Variants in CPT1C observed in about 807,000 individuals in gnomAD.
CPT1C encodes carnitine palmitoyltransferase 1C.
Under a neutral mutation model 97.3 loss-of-function variants are expected in CPT1C, and 61 were observed. The observed-to-expected ratio is 0.63, with a 90% CI of 0.51 to 0.78. CPT1C has a LOEUF of 0.78. Among genes scored for constraint, CPT1C ranks in the 30% least tolerant of loss-of-function variants. The probability of loss-of-function intolerance (pLI) is 0.00; values close to 1 mark genes in which losing one functional copy is unlikely to be tolerated. For missense variants in CPT1C, 975 were observed against 1,065.5 expected (o/e 0.92, Z 1.18); for synonymous variants, 469 against 447.2 (o/e 1.05, Z -0.61).
chr19:49,709,729 T>A (rs537363258), intron 14 of CPT1C, among the ~76,000 whole-genome samples: 2 of 152,162 alleles, frequency 1.3e-5, no homozygotes, highest in African/African-American at 4.8e-5. Context: ...TAAATTTTTT[T>A]ATTTTTAATA....
chr19:49,705,815 C>A, intron 10 of CPT1C, 94 bp from the exon 11 acceptor site: 4 of 1,178,306 alleles, frequency 3.4e-6, no homozygotes, highest in Non-Finnish European at 4.8e-6. Flanking sequence ...GTACTTTGAA[C>A]AACTGACGAC....
At chr19:49,707,086 C>T (rs1249077955) in intron 12 of CPT1C, among the ~76,000 whole-genome samples, 1 of 151,946 alleles carries the variant, frequency 6.6e-6, no homozygotes, top group Non-Finnish European at 1.5e-5. Context: ...ACCAGCCTGG[C>T]CAATATGGTG....
At position 49,705,294 on chromosome 19, in the gene CPT1C, A is replaced by G. The variant is rs762221725; in HGVS notation, c.960A>G (p.Gln320=). 1 of 1,595,960 alleles carries G rather than the reference A, an allele frequency of 6.3e-7. No homozygotes were observed. Residue 320 remains glutamine, a synonymous_variant, in exon 10 of 20, where the codon CAA becomes CAG. Transcript: ENST00000598293. ...ACACCACGCGGATTCCAGGGGTCCAAAAAGGTGAGACCCTCTCCTGTCCCC... is the reference window on the plus strand; with the variant it reads ...ACACCACGCGGATTCCAGGGGTCCAGAAAGGTGAGACCCTCTCCTGTCCCC... ...IFNTTRIPGV[Q]KDYIRHLHDS...
intron 13 of CPT1C, among the ~76,000 whole-genome samples, chr19:49,708,298 A>C (rs1289875031): frequency 6.6e-6 from 1 of 151,942 alleles, no homozygotes; most frequent in East Asian, 1.9e-4. Context: ...TAGCCTGGGC[A>C]ACATAATGAG....
chr19:49,696,032 A>G (rs1000973362), intron 3 of CPT1C, among the ~76,000 whole-genome samples: 2 of 151,514 alleles, frequency 1.3e-5, no homozygotes, highest in Non-Finnish European at 2.9e-5. Context: ...TCCCACCACC[A>G]CGCCTGGCTA....
At position 49,712,866 on chromosome 19, in the gene CPT1C, G is replaced by A. The variant is rs1256648947; in HGVS notation, c.2133+17G>A. 3 of 1,489,232 alleles carry A rather than the reference G, an allele frequency of 2.0e-6. No individual in the cohort carries two copies. The highest frequency in any genetic ancestry group is 2.9e-5 in the African/African-American group (2 of 68,940). The allele number at this position is 1,489,232 out of a possible 1,614,324, so 92.3% of individuals were successfully genotyped here. ...TTCGGGCCTGTGAGTGGAGCTGGGC[G>A]CGCTGGCCCCCAGAGGAAAGAGGGG... is the stretch of plus-strand genomic sequence containing the variant. On this transcript the variant is annotated intron_variant, in intron 18 of 19. Coordinates refer to ENST00000598293, the MANE Select transcript of CPT1C (RefSeq NM_001199753.2).
At position 49,692,526 on chromosome 19, in the gene CPT1C, G is replaced by A. The variant is rs1420912365; in HGVS notation, c.141+133G>A. The A allele has an allele frequency of 2.6e-6, 3 of 1,155,462 alleles. No individual in the cohort carries two copies. In the Admixed American group the frequency reaches 7.2e-5, roughly 28 times the overall value. 71.6% of individuals were successfully genotyped at this position (1,155,462 alleles called of 1,614,324 possible). ...CACCCCTTTTTCTTAGAATTTTGAT[G>A]TCTGCTCCCAGGACCCCTTTAGCAA... On this transcript the variant is annotated intron_variant, in intron 3 of 19. Transcript: ENST00000598293.
rs1485797798 is a variant in CPT1C at position 49,700,908 on chromosome 19, T to TCCCCTCTCTCTGGGTCTCTGTC, written c.453+78_453+99dup. 5.4e-5 allele frequency: 84 copies of TCCCCTCTCTCTGGGTCTCTGTC among 1,569,870 alleles called. No individual in the cohort carries two copies. In the African/African-American group the frequency reaches 5.7e-4, roughly 11 times the overall value. On this transcript the variant is annotated intron_variant, in intron 5 of 19. Coordinates refer to ENST00000598293, the MANE Select transcript of CPT1C (RefSeq NM_001199753.2). ...GCTCTCCTGGGACCCGCTTATCTATTCCCCTCTCTCTGGGTCTCTGTCCCC... is the reference window on the plus strand; with the variant it reads ...GCTCTCCTGGGACCCGCTTATCTATTCCCCTCTCTCTGGGTCTCTGTCCCCCTCTCTCTGGGTCTCTGTCCCC...
intron 17 of CPT1C, chr19:49,712,310 C>T (rs192492448): frequency 5.4e-5 from 17 of 315,794 alleles, no homozygotes; most frequent in Non-Finnish European, 8.7e-5. Context: ...CACCACTGCA[C>T]TCCAGCCTGG....
rs2084069052 is a variant in CPT1C at position 49,713,666 on chromosome 19, GAC to G, written c.*65_*66del. 7.9e-6 allele frequency: 12 copies of G among 1,515,732 alleles called. No homozygotes were observed. The highest frequency in any genetic ancestry group is 1.8e-4 in the Middle Eastern group (1 of 5,688). 93.9% of individuals were successfully genotyped at this position (1,515,732 alleles called of 1,614,324 possible). A position where few individuals can be genotyped will look rare whatever the true frequency, so the allele number is the denominator to read the frequency against. ...AAGGGTGAAATTGCCACAGCTGGCT[GAC>G]ACAGGACAGGGGCAACTGGTTTGGC... is the stretch of plus-strand genomic sequence containing the variant. On this transcript the variant is annotated 3_prime_UTR_variant, in exon 20 of 20. Transcript: ENST00000598293.
intron 16 of CPT1C, 33 bp downstream of exon 16, chr19:49,710,890 T>A (rs745641563): frequency 6.3e-7 from 1 of 1,588,478 alleles, no homozygotes; most frequent in Non-Finnish European, 8.6e-7. Flanking sequence ...GCTTCAGTTA[T>A]TTCTGTGTAC....
intron 12 of CPT1C, among the ~76,000 whole-genome samples, chr19:49,707,302 C>A (rs55917387): frequency 6.6e-6 from 1 of 151,836 alleles, no homozygotes; most frequent in Non-Finnish European, 1.5e-5. Flanking sequence ...AACAAACAAA[C>A]AAAAAAACAA....
At chr19:49,711,653 C>G in intron 16 of CPT1C, 156 bp from the exon 17 acceptor site, 1 of 774,640 alleles carries the variant, frequency 1.3e-6, no homozygotes, top group Non-Finnish European at 2.0e-6. Context: ...AAATGATTTC[C>G]CCTCTCTAAG....
chr19:49,700,806 G>A lies in CPT1C; in HGVS notation c.404G>A (p.Trp135Ter). 6.2e-7 allele frequency: 1 copy of A among 1,613,438 alleles called. No individual in the cohort carries two copies. Among genetic ancestry groups the A allele is most frequent in the Non-Finnish European group, 8.5e-7 (1 of 1,180,032 alleles). ...ALRLLLSYHGWLLEPHGAMSS... is the reference protein window; with the variant it reads ...ALRLLLSYHG The stretch of plus-strand genomic sequence containing the variant: ...AGGCTGCTTCTGTCCTACCACGGCT[G>A]GCTTCTTGAGCCCCACGGAGCCATG... The change falls in exon 5 of 20, where the codon TGG becomes TAG. Residue 135 changes from tryptophan to a stop codon, truncating the protein, a stop_gained. Transcript: ENST00000598293. LOFTEE classifies it high-confidence loss of function.
Position 49,704,994 on chromosome 19 carries a change from T to G in CPT1C, c.772-13T>G. 1 of 1,580,820 alleles carries G rather than the reference T, an allele frequency of 6.3e-7. No homozygotes were observed. The highest frequency in any genetic ancestry group is 1.1e-5 in the South Asian group (1 of 87,340). ...ACCCTGGGTGTTTTGCCATCCCCTC[T>G]CCTGGTCCCCAGGACTTCCTGTATG... On this transcript the variant is annotated splice_polypyrimidine_tract_variant and intron_variant, in intron 8 of 19. Coordinates refer to ENST00000598293, the MANE Select transcript of CPT1C (RefSeq NM_001199753.2).
intron 7 of CPT1C, among the ~76,000 whole-genome samples, chr19:49,703,174 TTC>T (rs1356370638): frequency 2.3e-5 from 3 of 131,896 alleles, no homozygotes; most frequent in Admixed American, 7.9e-5. Context: ...CCTGCCTGCC[TTC>T]TCTCTCTCTT....
intron 17 of CPT1C, 85 bp downstream of exon 17, chr19:49,712,046 A>G: frequency 6.6e-7 from 1 of 1,515,620 alleles, no homozygotes. Flanking sequence ...GTGATGTTGA[A>G]AAAGGACCCA....
At position 49,706,440 on chromosome 19, in the gene CPT1C, C is replaced by A; in HGVS notation, c.1343+27C>A. The A allele has an allele frequency of 7.0e-7, 1 of 1,436,148 alleles. No homozygotes were observed. Among genetic ancestry groups the A allele is most frequent in the Middle Eastern group, 2.1e-4 (1 of 4,848 alleles). 89.0% of individuals were successfully genotyped at this position (1,436,148 alleles called of 1,614,324 possible). ...TGAGTGAGTCTTGGGATGGGGCCCC[C>A]AGATGTGGCACCCGAGAATCCAGTA... On this transcript the variant is annotated intron_variant, in intron 12 of 19. Transcript: ENST00000598293. The surrounding 1 kb of genome is among the most constrained non-coding windows in gnomAD (Gnocchi z 4.8).
At chr19:49,702,893 G>A (rs2083263280) in intron 7 of CPT1C, among the ~76,000 whole-genome samples, 1 of 152,090 alleles carries the variant, frequency 6.6e-6, no homozygotes, top group South Asian at 2.1e-4. Context: ...GCTGCAGCAA[G>A]AGTGAGAGGG....
Sources: gnomAD v4.1 joint callset for allele counts (sites outside exome capture counted in the v4.1 genomes callset) on GRCh38, gnomAD v4.1.1 for gene constraint, Gnocchi (gnomAD v3.1) non-coding constraint, MANE v1.5 for transcripts, NCBI Gene and HGNC (gene_info 2026-07-23, HGNC 2026-07-21) for gene names.